Variants in XPO6 observed in about 807,000 individuals in gnomAD.
The protein encoded by XPO6 is exportin-6.
XPO6 carries 3 observed loss-of-function variants against 130.0 expected under a neutral mutation model. The observed-to-expected ratio is 0.02, with a 90% CI of 0.01 to 0.06. XPO6 has a LOEUF of 0.06. XPO6 is among the 10% of genes least tolerant of loss of function. The pLI, the probability that XPO6 is intolerant of heterozygous loss-of-function variation, is 1.00. For missense variants in XPO6, 970 were observed against 1,393.0 expected, an observed-to-expected ratio of 0.70 and a Z score of 4.83; for synonymous variants, 524 against 548.9, an observed-to-expected ratio of 0.95 and a Z score of 0.63.
chr16:28,147,517 A>T (rs757850220), intron 8 of XPO6, among the ~76,000 whole-genome samples: 1 of 152,248 alleles, frequency 6.6e-6, no homozygotes, highest in Non-Finnish European at 1.5e-5. Context: ...GTAGCTCTGG[A>T]ACTAGACAGG....
At chr16:28,153,684 G>A in intron 7 of XPO6, 1 of 985,368 alleles carries the variant, frequency 1.0e-6, no homozygotes, top group Non-Finnish European at 1.2e-6. Flanking sequence ...AAAATGAGAT[G>A]GCCATACCTT....
At chr16:28,166,430 A>C (rs2043356173) in intron 6 of XPO6, 78 bp downstream of exon 6, 1 of 1,476,336 alleles carries the variant, frequency 6.8e-7, no homozygotes. Flanking sequence ...AGTACTGAGG[A>C]CTACAGTTGC....
At chr16:28,172,178 G>T (rs2043459709) in intron 4 of XPO6, among the ~76,000 whole-genome samples, 1 of 152,168 alleles carries the variant, frequency 6.6e-6, no homozygotes, top group Non-Finnish European at 1.5e-5. Context: ...ACTTGAAAAA[G>T]AGCTTGATAA....
chr16:28,121,542 G>A (rs1596815289), intron 14 of XPO6, 128 bp downstream of exon 14: 1 of 756,390 alleles, frequency 1.3e-6, no homozygotes, highest in South Asian at 1.6e-5. Context: ...CTCTTTCTAG[G>A]TTTGCAGTTT....
At chr16:28,180,870 G>C in intron 2 of XPO6, 71 bp downstream of exon 2, 1 of 1,292,700 alleles carries the variant, frequency 7.7e-7, no homozygotes, top group Non-Finnish European at 1.1e-6. Flanking sequence ...TCACGGCTAC[G>C]AACAACTCCT....
Position 28,107,619 on chromosome 16 carries a change from C to A in XPO6, c.2400G>T (p.Ser800=). The A allele has an allele frequency of 6.2e-7, 1 of 1,614,158 alleles. No individual in the cohort carries two copies. The highest frequency in any genetic ancestry group is 8.5e-7 in the Non-Finnish European group (1 of 1,180,022). The change falls in exon 18 of 24, where the codon TCG becomes TCT. Residue 800 remains serine, a synonymous_variant. Transcript: ENST00000304658. ...TCTGTCGAGACTTGGTGGACTCCCC[C>A]GAGATATTCTCCACAATATCTTCTA... is the stretch of plus-strand genomic sequence containing the variant. The part of the protein sequence containing the change: ...SVLEDIVENI[S]GESTKSRQIC...
At chr16:28,128,998 T>C (rs765754500) in intron 12 of XPO6, among the ~76,000 whole-genome samples, 1 of 152,196 alleles carries the variant, frequency 6.6e-6, no homozygotes, top group African/African-American at 2.4e-5. Context: ...CAACTATGGG[T>C]ACCTAGCATC....
At chr16:28,124,414 C>G (rs41101) in intron 13 of XPO6, among the ~76,000 whole-genome samples, 1 of 152,110 alleles carries the variant, frequency 6.6e-6, no homozygotes, top group African/African-American at 2.4e-5. Context: ...AAATAATGGA[C>G]TTATCTTTGG....
chr16:28,113,068 C>T lies in XPO6; in HGVS notation c.2005-18G>A. ...TCTTGGACCTGCAGAGGGAAGAGGG[C>T]ACGTCAGCTCACCACATCCCTGTAA... On this transcript the variant is annotated intron_variant, in intron 15 of 23. Coordinates refer to ENST00000304658, the MANE Select transcript of XPO6 (RefSeq NM_015171.4). 1 of 1,609,346 alleles carries T rather than the reference C, an allele frequency of 6.2e-7. No homozygotes were observed. The highest frequency in any genetic ancestry group is 8.5e-7 in the Non-Finnish European group (1 of 1,177,106).
chr16:28,103,345 G>A (rs2086693715), intron 21 of XPO6, among the ~76,000 whole-genome samples: 1 of 152,186 alleles, frequency 6.6e-6, no homozygotes. Context: ...ATTGCCGAGT[G>A]CCAGTCCCTT....
chr16:28,103,970 C>T (rs1025962087), intron 21 of XPO6, among the ~76,000 whole-genome samples: 5 of 152,300 alleles, frequency 3.3e-5, no homozygotes, highest in African/African-American at 4.8e-5. Flanking sequence ...ACCCTGGGAG[C>T]GTGCCTGACA....
intron 6 of XPO6, among the ~76,000 whole-genome samples, chr16:28,160,504 C>CAATAAAAAAAAAAAA (rs2043259728): frequency 8.8e-6 from 1 of 113,200 alleles, no homozygotes; most frequent in Non-Finnish European, 1.9e-5. Flanking sequence ...ACTCCATCAC[C>CAATAAAAAAAAAAAA]AAAAAAAAAA....
intron 14 of XPO6, among the ~76,000 whole-genome samples, chr16:28,121,213 TC>T (rs2087227418): frequency 6.6e-6 from 1 of 152,268 alleles, no homozygotes; most frequent in African/African-American, 2.4e-5. Flanking sequence ...CTTATGCCAT[TC>T]TGCTAAAATC....
intron 17 of XPO6, among the ~76,000 whole-genome samples, chr16:28,110,292 C>CT (rs2086887346): frequency 6.6e-6 from 1 of 152,234 alleles, no homozygotes; most frequent in Admixed American, 6.5e-5. Context: ...TCCCTGCCCT[C>CT]TGAGTTAAGC....
At chr16:28,103,138 G>A (rs2141229986) in intron 21 of XPO6, among the ~76,000 whole-genome samples, 1 of 152,204 alleles carries the variant, frequency 6.6e-6, no homozygotes, top group Non-Finnish European at 1.5e-5. Flanking sequence ...CCATCACCTG[G>A]AACGTCCCCT....
intron 5 of XPO6, among the ~76,000 whole-genome samples, chr16:28,169,165 C>G (rs7194756): frequency 0.42 from 63,747 of 152,122 alleles, 15,489 homozygotes; most frequent in African/African-American, 0.68. Context: ...CAGCAGCACA[C>G]AGCAGCCACC....
chr16:28,134,451 C>T (rs1460785991), intron 10 of XPO6, among the ~76,000 whole-genome samples: 4 of 152,216 alleles, frequency 2.6e-5, no homozygotes, highest in African/African-American at 9.6e-5. Flanking sequence ...AAGCAAGACA[C>T]GTCACTCCCC....
chr16:28,181,186 T>A, intron 1 of XPO6, 155 bp from the exon 2 acceptor site: 1 of 515,662 alleles, frequency 1.9e-6, no homozygotes, highest in Non-Finnish European at 3.3e-6. Flanking sequence ...CAGAAAAAAC[T>A]GAAGGGAATT....
At chr16:28,141,561 C>T (rs1360217138) in intron 9 of XPO6, among the ~76,000 whole-genome samples, 1 of 152,120 alleles carries the variant, frequency 6.6e-6, no homozygotes, top group African/African-American at 2.4e-5. Context: ...ATGCCACCAC[C>T]TCAAAATACA....
Sources: gnomAD v4.1 joint callset for allele counts (sites outside exome capture counted in the v4.1 genomes callset) on GRCh38, gnomAD v4.1.1 for gene constraint, MANE v1.5 for transcripts, NCBI Gene and HGNC (gene_info 2026-07-23, HGNC 2026-07-21) for gene names.